MYO9A: variants seen among roughly 807,000 people sequenced by gnomAD.
MYO9A encodes the protein unconventional myosin-IXa.
Under a neutral mutation model 293.3 loss-of-function variants are expected in MYO9A, and 103 were observed. That is an observed-to-expected ratio of 0.35 (90% CI 0.30 to 0.41). The LOEUF is 0.41. Ranked by LOEUF, MYO9A falls within the 10% of genes least tolerant of loss-of-function variation. The probability of loss-of-function intolerance (pLI) is 1.00; values close to 1 mark genes in which losing one functional copy is unlikely to be tolerated. For synonymous variants in MYO9A, 1,001 were observed against 1,035.7 expected (o/e 0.97, Z 0.64); for missense variants, 2,685 against 3,033.0 (o/e 0.89, Z 2.69).
chr15:71,999,366 A>C (rs2076798713), intron 9 of MYO9A, among the ~76,000 whole-genome samples: 1 of 152,028 alleles, frequency 6.6e-6, no homozygotes, highest in African/African-American at 2.4e-5. Context: ...AGATAACCTC[A>C]ATGAAGAATA....
intron 8 of MYO9A, among the ~76,000 whole-genome samples, chr15:72,002,748 G>A (rs903137693): frequency 2.6e-5 from 4 of 152,122 alleles, no homozygotes; most frequent in Non-Finnish European, 4.4e-5. Context: ...CACAACAGTG[G>A]TTACCTCTGG....
chr15:72,039,640 C>T (rs1483198437), intron 2 of MYO9A, among the ~76,000 whole-genome samples: 1 of 151,630 alleles, frequency 6.6e-6, no homozygotes, highest in African/African-American at 2.4e-5. Flanking sequence ...ACCAGCCTGG[C>T]CTACATGGAG....
chr15:72,041,457 C>A (rs1486398052), intron 2 of MYO9A: 2 of 355,646 alleles, frequency 5.6e-6, no homozygotes, highest in African/African-American at 2.2e-5. Context: ...TTCTTTTTTT[C>A]CCATGAAAAC....
chr15:71,863,133 C>T (rs1456302276), intron 32 of MYO9A, among the ~76,000 whole-genome samples: 1 of 151,688 alleles, frequency 6.6e-6, no homozygotes, highest in Non-Finnish European at 1.5e-5. Context: ...AGTGTTTCAC[C>T]ATGTTGGCCA....
intron 1 of MYO9A, among the ~76,000 whole-genome samples, chr15:72,066,511 AG>A (rs1226887875): frequency 3.9e-5 from 6 of 151,960 alleles, no homozygotes; most frequent in South Asian, 2.1e-4. Flanking sequence ...AAAGAAAGAA[AG>A]AAAAAAGCCA....
At chr15:71,913,139 C>T (rs547702373) in intron 19 of MYO9A, among the ~76,000 whole-genome samples, 78 of 152,066 alleles carry the variant, frequency 5.1e-4, no homozygotes, top group African/African-American at 1.7e-3. Context: ...TCATATTGCT[C>T]CATAAGTTAT....
At chr15:71,938,753 G>T in intron 16 of MYO9A, 99 bp downstream of exon 16, 2 of 1,003,888 alleles carry the variant, frequency 2.0e-6, no homozygotes, top group South Asian at 1.8e-5. Context: ...AACAAAACAA[G>T]CCTGAATTAC....
At chr15:71,860,257 ATTGGG>A (rs1277048056) in intron 33 of MYO9A, among the ~76,000 whole-genome samples, 1 of 152,242 alleles carries the variant, frequency 6.6e-6, no homozygotes, top group Non-Finnish European at 1.5e-5. Context: ...ATGAAAACTA[ATTGGG>A]TAGCACAGTT....
At chr15:71,984,437 T>TAA (rs969119996) in intron 11 of MYO9A, among the ~76,000 whole-genome samples, 2 of 152,238 alleles carry the variant, frequency 1.3e-5, no homozygotes, top group Non-Finnish European at 2.9e-5. Flanking sequence ...CTTGGATTCT[T>TAA]AAAGAGCTTT....
In MYO9A at chr15:71,850,765, C is replaced by CAAAAAAAAAAAAAAAAAAAA. The variant is rs780727961; in HGVS notation, c.6581+468_6581+487dup. 1.1e-4 allele frequency among the ~76,000 whole-genome samples: 5 copies of CAAAAAAAAAAAAAAAAAAAA among 44,140 alleles called. 1 individual carries two copies. Among genetic ancestry groups the CAAAAAAAAAAAAAAAAAAAA allele is most frequent in the African/African-American group, 5.0e-4 (5 of 10,000 alleles). The allele number at this position is 44,140 out of a possible 152,430, so 29.0% of individuals were successfully genotyped here. ...TGGGTGACAGACTGAAACTGTGTCTCAAAAAAAAAAAAAAAAAAAAAAAAA... is the reference window on the plus strand; with the variant it reads ...TGGGTGACAGACTGAAACTGTGTCTCAAAAAAAAAAAAAAAAAAAAAAAAAAAAAAAAAAAAAAAAAAAAA... On this transcript the variant is annotated intron_variant, in intron 37 of 41. Transcript: ENST00000356056.
chr15:72,113,870 G>C (rs2080870824), intron 1 of MYO9A, among the ~76,000 whole-genome samples: 1 of 152,122 alleles, frequency 6.6e-6, no homozygotes, highest in African/African-American at 2.4e-5. Context: ...AAAAGGAAGA[G>C]GTTAGCAACA....
chr15:72,031,728 A>T (rs554498079), intron 3 of MYO9A, among the ~76,000 whole-genome samples: 3 of 151,694 alleles, frequency 2.0e-5, no homozygotes, highest in African/African-American at 4.8e-5. Context: ...TCTAAAAAAT[A>T]GTCTATTTAA....
At chr15:71,956,171 A>T (rs1323200651) in intron 14 of MYO9A, among the ~76,000 whole-genome samples, 1 of 151,236 alleles carries the variant, frequency 6.6e-6, no homozygotes, top group Non-Finnish European at 1.5e-5. Flanking sequence ...AAGGCCAGGC[A>T]TGGTGGCATG....
rs1414234107 is a variant in MYO9A at position 72,010,391 on chromosome 15, A to C, written c.1212T>G (p.Leu404=). ...GAAGAAATCCTACCATTTCCATGGC[A>C]AGTTGTAGGCGCTCAAAGTCATGTC... ...DLRHDFERLQ[L]AMEMVGFLPK... Residue 404 remains leucine (L), a synonymous_variant, in exon 7 of 42, where the codon CTT becomes CTG. Coordinates refer to ENST00000356056, the MANE Select transcript of MYO9A (RefSeq NM_006901.4). The C allele has an allele frequency of 6.2e-7, 1 of 1,613,584 alleles. No homozygotes were observed. The highest frequency in any genetic ancestry group is 1.7e-5 in the Admixed American group (1 of 60,012).
chr15:72,110,340 G>A (rs548806443), intron 1 of MYO9A, among the ~76,000 whole-genome samples: 63 of 150,294 alleles, frequency 4.2e-4, no homozygotes, highest in African/African-American at 1.5e-3. Context: ...GGAGGCTGAG[G>A]CAGGAGAATC....
At chr15:72,071,734 G>A (rs140572222) in intron 1 of MYO9A, among the ~76,000 whole-genome samples, 71 of 148,144 alleles carry the variant, frequency 4.8e-4, no homozygotes, top group Admixed American at 4.3e-3. Flanking sequence ...CAGCCTGGGC[G>A]ACACAGCGAG....
chr15:71,995,275 C>T (rs1482711303), intron 9 of MYO9A, among the ~76,000 whole-genome samples: 1 of 152,118 alleles, frequency 6.6e-6, no homozygotes, highest in Non-Finnish European at 1.5e-5. Context: ...AGGAAAAAGC[C>T]ATTAATTTCT....
intron 19 of MYO9A, among the ~76,000 whole-genome samples, chr15:71,908,526 A>G (rs1315963369): frequency 6.6e-6 from 1 of 152,156 alleles, no homozygotes; most frequent in Non-Finnish European, 1.5e-5. Context: ...GTATGATTGG[A>G]TTTAGGGCTA....
At chr15:71,906,096 A>T (rs572671479) in intron 19 of MYO9A, among the ~76,000 whole-genome samples, 3 of 152,150 alleles carry the variant, frequency 2.0e-5, no homozygotes, top group Non-Finnish European at 4.4e-5. Flanking sequence ...TAAAATATGT[A>T]TTATTTAGAA....
Sources: allele counts gnomAD v4.1 joint callset (sites outside exome capture counted in the v4.1 genomes callset), GRCh38; gene constraint gnomAD v4.1.1; transcripts MANE v1.5; gene names NCBI Gene and HGNC (gene_info 2026-07-23, HGNC 2026-07-21).